UNC13C: variants seen among roughly 807,000 people sequenced by gnomAD.
UNC13C encodes unc-13 homolog C.
Under a neutral mutation model 245.4 loss-of-function variants are expected in UNC13C, and 174 were observed. The observed-to-expected ratio is 0.71, with a 90% CI of 0.63 to 0.80. The LOEUF is 0.80. Ranked by LOEUF, UNC13C falls within the 30% of genes least tolerant of loss-of-function variation. The pLI is 0.00. For missense variants in UNC13C, 2,829 were observed against 2,602.9 expected (o/e 1.09, Z -1.89); for synonymous variants, 992 against 895.1 (o/e 1.11, Z -1.93).
chr15:54,018,499 C>A (rs1265278711), intron 2 of UNC13C, among the ~76,000 whole-genome samples: 1 of 152,190 alleles, frequency 6.6e-6, no homozygotes, highest in African/African-American at 2.4e-5. Flanking sequence ...TTTCAGAGAA[C>A]TTTCCACCTT....
Position 54,568,892 on chromosome 15 carries a change from A to G in UNC13C, c.6106+945A>G, listed in dbSNP as rs184231063. Among the ~76,000 whole-genome samples the G allele has an allele frequency of 4.6e-5, 7 of 152,232 alleles. No homozygotes were observed. The East Asian group carries it at 1.4e-3, about 29-fold the overall frequency. On this transcript the variant is annotated intron_variant, in intron 30 of 32. Transcript: ENST00000260323. ...TGTGCTAGGTAGGTAGTCTGCCTAT[A>G]ACACTCTGTGCTTTTTGATACTGTC...
the UNC13C span, among the ~76,000 whole-genome samples, chr15:53,840,538 G>A: frequency 1.3e-5 from 2 of 152,116 alleles, no homozygotes; most frequent in African/African-American, 4.8e-5. Flanking sequence ...CAGTCATGAG[G>A]CAAAGTATTA....
At position 54,538,133 on chromosome 15, in the gene UNC13C, C is replaced by CAAAAAAAAAAAAAAAAAAAAAAAAAAAAA. The variant is rs56041311; in HGVS notation, c.5696+5070_5696+5098dup. Among the ~76,000 whole-genome samples, 13 of 10,252 alleles carry CAAAAAAAAAAAAAAAAAAAAAAAAAAAAA rather than the reference C, an allele frequency of 1.3e-3. 4 individuals carry two copies. Among genetic ancestry groups the CAAAAAAAAAAAAAAAAAAAAAAAAAAAAA allele is most frequent in the Non-Finnish European group, 2.4e-3 (10 of 4,088 alleles). The allele number at this position is 10,252 out of a possible 152,430, so 6.7% of individuals were successfully genotyped here. On this transcript the variant is annotated intron_variant, in intron 26 of 32. Transcript: ENST00000260323. Reference sequence around the variant, plus strand: ...TAAGGAGCTTAAATACATTAACAAGCAAAAAAAAAAAAAAAAAAAAAAAAA... The same window carrying CAAAAAAAAAAAAAAAAAAAAAAAAAAAAA: ...TAAGGAGCTTAAATACATTAACAAGCAAAAAAAAAAAAAAAAAAAAAAAAAAAAAAAAAAAAAAAAAAAAAAAAAAAAAA...
chr15:53,904,968 C>T, the UNC13C span, among the ~76,000 whole-genome samples: 20 of 152,126 alleles, frequency 1.3e-4, no homozygotes, highest in East Asian at 1.4e-3. Flanking sequence ...TTTTAAATCT[C>T]TCTAAGGAAA....
Position 54,437,642 on chromosome 15 carries a change from A to T in UNC13C, c.4933+22575A>T, listed in dbSNP as rs142963167. 1.5e-3 allele frequency among the ~76,000 whole-genome samples: 225 copies of T among 152,052 alleles called. 1 individual carries two copies. Among genetic ancestry groups the T allele is most frequent in the African/African-American group, 5.2e-3 (217 of 41,520 alleles). On this transcript the variant is annotated intron_variant, in intron 19 of 32. Transcript: ENST00000260323. ...TGCTAGGTTAGTTAGCACTTAAGGCATATCAGAGAGTAGTCAGTTAGTCCA... is the reference window on the plus strand; with the variant it reads ...TGCTAGGTTAGTTAGCACTTAAGGCTTATCAGAGAGTAGTCAGTTAGTCCA...
chr15:54,005,820 C>T (rs1333568295), intron 1 of UNC13C, among the ~76,000 whole-genome samples: 2 of 151,952 alleles, frequency 1.3e-5, no homozygotes, highest in African/African-American at 4.8e-5. Flanking sequence ...ATCCACGGTA[C>T]CATGAAGTGA....
chr15:54,324,000 G>T (rs1308868039), intron 14 of UNC13C, among the ~76,000 whole-genome samples: 2 of 151,946 alleles, frequency 1.3e-5, no homozygotes, highest in African/African-American at 4.8e-5. Flanking sequence ...ACAGCAGATT[G>T]ATTTCAGTAC....
At chr15:53,906,680 G>T in the UNC13C span, among the ~76,000 whole-genome samples, 2 of 152,282 alleles carry the variant, frequency 1.3e-5, no homozygotes, top group African/African-American at 4.8e-5. Flanking sequence ...AATTCTTTCA[G>T]ATGGCCATAC....
intron 10 of UNC13C, among the ~76,000 whole-genome samples, chr15:54,280,835 T>C (rs114000637): frequency 1.7e-3 from 261 of 151,360 alleles, no homozygotes; most frequent in African/African-American, 6.1e-3. Context: ...TCTCACTCTG[T>C]CGCCCAGGCT....
intron 17 of UNC13C, among the ~76,000 whole-genome samples, chr15:54,339,016 G>C (rs1396847854): frequency 2.0e-5 from 3 of 152,164 alleles, no homozygotes. Flanking sequence ...ACAGGCATGA[G>C]CCAGCATTCC....
At chr15:54,489,202 A>G (rs940966455) in intron 19 of UNC13C, among the ~76,000 whole-genome samples, 10 of 152,200 alleles carry the variant, frequency 6.6e-5, no homozygotes, top group African/African-American at 9.6e-5. Flanking sequence ...CACTTTTTAT[A>G]GAATCATTTA....
intron 18 of UNC13C, among the ~76,000 whole-genome samples, chr15:54,406,292 C>T (rs75232445): frequency 0.033 from 5,034 of 152,186 alleles, 240 homozygotes; most frequent in African/African-American, 0.1. Context: ...TTTTGACATC[C>T]CTGTCTTCAA....
intron 30 of UNC13C, among the ~76,000 whole-genome samples, chr15:54,615,410 C>T (rs1373738802): frequency 6.6e-6 from 1 of 151,896 alleles, no homozygotes; most frequent in Non-Finnish European, 1.5e-5. Context: ...ACTTGGCTCC[C>T]ATTACTATAT....
chr15:53,951,082 AT>A, the UNC13C span, among the ~76,000 whole-genome samples: 1 of 152,188 alleles, frequency 6.6e-6, no homozygotes, highest in Non-Finnish European at 1.5e-5. Context: ...GTAAATTCAT[AT>A]TTTTAGGACC....
chr15:54,551,334 G>A (rs1257196548), intron 28 of UNC13C, among the ~76,000 whole-genome samples: 1 of 151,958 alleles, frequency 6.6e-6, no homozygotes, highest in East Asian at 1.9e-4. Context: ...AAGTCTCCTG[G>A]AATATCAGTA....
chr15:54,528,223 C>T (rs977483931), intron 25 of UNC13C, among the ~76,000 whole-genome samples: 3 of 152,062 alleles, frequency 2.0e-5, no homozygotes, highest in Non-Finnish European at 4.4e-5. Flanking sequence ...GATATAACCT[C>T]AACAATAACT....
At chr15:53,960,405 A>G in the UNC13C span, among the ~76,000 whole-genome samples, 1 of 151,040 alleles carries the variant, frequency 6.6e-6, no homozygotes, top group South Asian at 2.1e-4. Flanking sequence ...GAATGTCCCT[A>G]TGCTTTGAGA....
At chr15:54,026,407 G>A (rs551759416) in intron 2 of UNC13C, among the ~76,000 whole-genome samples, 3 of 152,266 alleles carry the variant, frequency 2.0e-5, no homozygotes, top group South Asian at 2.1e-4. Context: ...ACTTGTGCAC[G>A]TTTATGCTTC....
chr15:54,390,094 C>T (rs1039185363), intron 17 of UNC13C, among the ~76,000 whole-genome samples: 4 of 152,128 alleles, frequency 2.6e-5, no homozygotes, highest in African/African-American at 9.7e-5. Flanking sequence ...TTAGAAGCAG[C>T]GTTTCACAAT....
Sources: gnomAD v4.1 joint callset for allele counts (sites outside exome capture counted in the v4.1 genomes callset) on GRCh38, gnomAD v4.1.1 for gene constraint, MANE v1.5 for transcripts, NCBI Gene and HGNC (gene_info 2026-07-23, HGNC 2026-07-21) for gene names.